Variants in ERICH6B observed in about 807,000 individuals in gnomAD.
ERICH6B encodes glutamate rich 6B.
ERICH6B carries 69 observed loss-of-function variants against 80.0 expected under a neutral mutation model. That is an observed-to-expected ratio of 0.86 (90% CI 0.71 to 1.05). The LOEUF (loss-of-function observed/expected upper bound fraction) is 1.05. Ranked by LOEUF, ERICH6B falls within the 50% of genes least tolerant of loss-of-function variation. The pLI is 0.00. For synonymous variants in ERICH6B, 283 were observed against 291.9 expected, an observed-to-expected ratio of 0.97 and a Z score of 0.31; for missense variants, 754 against 796.1, an observed-to-expected ratio of 0.95 and a Z score of 0.64.
chr13:45,586,969 A>C (rs1025898552), intron 5 of ERICH6B, 94 bp downstream of exon 5: 2 of 1,304,002 alleles, frequency 1.5e-6, no homozygotes, highest in African/African-American at 1.5e-5. Context: ...GAAAGGCAAT[A>C]CTCGAGCCAC....
intron 1 of ERICH6B, among the ~76,000 whole-genome samples, chr13:45,610,833 C>CTG (rs10653696): frequency 0.019 from 2,805 of 147,468 alleles, 66 homozygotes; most frequent in African/African-American, 0.052. Flanking sequence ...TGTGGCAGGA[C>CTG]TGTGTGTGTG....
rs781359785 is a variant in ERICH6B at position 45,596,386 on chromosome 13, T to C, written c.620A>G (p.Tyr207Cys). 6.4e-7 allele frequency: 1 copy of C among 1,550,612 alleles called. No homozygotes were observed. The highest frequency in any genetic ancestry group is 1.2e-5 in the South Asian group (1 of 83,824). Residue 207 changes from tyrosine to cysteine, a missense_variant, in exon 3 of 15, where the codon TAT becomes TGT. Transcript: ENST00000298738. ...ATACTCACCTTTCAGATACTTTTTATACAGATTTTCTTTTCCATCCAGATT... is the reference window on the plus strand; with the variant it reads ...ATACTCACCTTTCAGATACTTTTTACACAGATTTTCTTTTCCATCCAGATT... Reference protein sequence around the residue: ...EENLDGKENLYKKYLKEPKAS... With the variant: ...EENLDGKENLCKKYLKEPKAS...
intron 14 of ERICH6B, among the ~76,000 whole-genome samples, chr13:45,544,394 A>T (rs565191792): frequency 2.0e-5 from 3 of 151,952 alleles, no homozygotes; most frequent in East Asian, 1.9e-4. Context: ...TTAATTTTAA[A>T]TTTTTTTTGT....
chr13:45,576,259 TGACA>T (rs1875399103), intron 7 of ERICH6B, among the ~76,000 whole-genome samples: 1 of 152,202 alleles, frequency 6.6e-6, no homozygotes. Flanking sequence ...GGCTTGTGCC[TGACA>T]GACTTGCCGC....
At chr13:45,597,389 C>A (rs192539855) in intron 2 of ERICH6B, among the ~76,000 whole-genome samples, 1 of 152,130 alleles carries the variant, frequency 6.6e-6, no homozygotes, top group South Asian at 2.1e-4. Context: ...GTATTTATTA[C>A]CACAATAAAT....
chr13:45,605,702 T>A (rs1411553225), intron 2 of ERICH6B, among the ~76,000 whole-genome samples: 1 of 152,238 alleles, frequency 6.6e-6, no homozygotes, highest in Non-Finnish European at 1.5e-5. Context: ...ACACTGGCTT[T>A]AGCTCTCTCA....
chr13:45,613,478 G>A (rs1229787150), intron 1 of ERICH6B, among the ~76,000 whole-genome samples: 1 of 152,152 alleles, frequency 6.6e-6, no homozygotes, highest in Non-Finnish European at 1.5e-5. Context: ...CGATGGTCAC[G>A]GCTAAGTGCA....
chr13:45,597,592 A>G (rs1331092360), intron 2 of ERICH6B, among the ~76,000 whole-genome samples: 1 of 152,130 alleles, frequency 6.6e-6, no homozygotes, highest in Non-Finnish European at 1.5e-5. Flanking sequence ...TGGCTACCAC[A>G]TGCACTGTCA....
chr13:45,587,965 C>T (rs187585542), intron 4 of ERICH6B, among the ~76,000 whole-genome samples: 30 of 152,250 alleles, frequency 2.0e-4, no homozygotes, highest in African/African-American at 6.7e-4. Flanking sequence ...CAGGTGGTGA[C>T]TATGGTTGGT....
chr13:45,549,008 G>A (rs1268042068), intron 13 of ERICH6B, among the ~76,000 whole-genome samples: 2 of 152,214 alleles, frequency 1.3e-5, no homozygotes, highest in Non-Finnish European at 2.9e-5. Context: ...CTTTGGCTGG[G>A]CGCGGTGGCT....
At chr13:45,578,930 G>C (rs1875538619) in intron 7 of ERICH6B, among the ~76,000 whole-genome samples, 1 of 152,170 alleles carries the variant, frequency 6.6e-6, no homozygotes, top group Non-Finnish European at 1.5e-5. Flanking sequence ...TGCACCCGTG[G>C]TCCCAGCTAC....
chr13:45,586,920 C>G, intron 5 of ERICH6B, 143 bp downstream of exon 5: 1 of 908,538 alleles, frequency 1.1e-6, no homozygotes, highest in Non-Finnish European at 1.6e-6. Flanking sequence ...CAAAATGAGA[C>G]CTCAGAGGGC....
At chr13:45,562,037 C>A (rs138315256) in intron 10 of ERICH6B, among the ~76,000 whole-genome samples, 181 of 152,314 alleles carry the variant, frequency 1.2e-3, no homozygotes, top group African/African-American at 4.2e-3. Flanking sequence ...GCTCTGTGAT[C>A]ATTTTTGCTC....
At chr13:45,596,242 G>A in intron 3 of ERICH6B, 127 bp downstream of exon 3, 6 of 1,225,412 alleles carry the variant, frequency 4.9e-6, no homozygotes, top group Non-Finnish European at 6.6e-6. Flanking sequence ...GTAAACTAGA[G>A]TTACCATCCT....
intron 2 of ERICH6B, among the ~76,000 whole-genome samples, chr13:45,601,926 A>G (rs1949829851): frequency 6.6e-6 from 1 of 152,238 alleles, no homozygotes; most frequent in Non-Finnish European, 1.5e-5. Context: ...GTGTACAGGC[A>G]TAAGGAGTGT....
chr13:45,604,289 C>T (rs968014839), intron 2 of ERICH6B, among the ~76,000 whole-genome samples: 1 of 152,242 alleles, frequency 6.6e-6, no homozygotes, highest in Admixed American at 6.5e-5. Context: ...TCATTGACTG[C>T]TAGCCGTTTC....
At chr13:45,555,597 T>G (rs1007858690) in intron 11 of ERICH6B, 5 of 152,138 alleles carry the variant, frequency 3.3e-5, no homozygotes, top group Non-Finnish European at 7.3e-5. Flanking sequence ...TCAATGGAAT[T>G]TAAGCCTGGA....
chr13:45,588,983 G>A (rs1876044971), intron 4 of ERICH6B, among the ~76,000 whole-genome samples: 1 of 152,088 alleles, frequency 6.6e-6, no homozygotes, highest in Admixed American at 6.5e-5. Flanking sequence ...GGTAAGTGGG[G>A]AAGTGAGAGA....
chr13:45,598,936 C>T (rs1593326034), intron 2 of ERICH6B, among the ~76,000 whole-genome samples: 1 of 152,204 alleles, frequency 6.6e-6, no homozygotes, highest in African/African-American at 2.4e-5. Context: ...TGAGAGGCTA[C>T]ATTCACCCCA....
Sources: gnomAD v4.1 joint callset for allele counts (sites outside exome capture counted in the v4.1 genomes callset) on GRCh38, gnomAD v4.1.1 for gene constraint, MANE v1.5 for transcripts, NCBI Gene and HGNC (gene_info 2026-07-23, HGNC 2026-07-21) for gene names.